The following FAM193A variants were observed in gnomAD, a reference collection of about 807,000 sequenced individuals.
FAM193A encodes the protein family with sequence similarity 193 member A, also known as protein FAM193A.
In FAM193A, 22 loss-of-function variants were observed where a neutral mutation model predicts 126.5. The observed-to-expected ratio is 0.17, with a 90% CI of 0.12 to 0.25. The LOEUF (loss-of-function observed/expected upper bound fraction) is 0.25, where lower values mean the gene tolerates loss of function less well. FAM193A is among the 10% of genes least tolerant of loss of function. FAM193A has a pLI of 1.00. For missense variants in FAM193A, 1,675 were observed against 1,672.8 expected (o/e 1.00, Z -0.02); for synonymous variants, 761 against 646.8 (o/e 1.18, Z -2.68).
chr4:2,649,675 ATG>A (rs1019637078), intron 7 of FAM193A, among the ~76,000 whole-genome samples: 3 of 152,174 alleles, frequency 2.0e-5, no homozygotes, highest in Non-Finnish European at 4.4e-5. Flanking sequence ...ATCTCAAAAA[ATG>A]AAAAAAATAT....
intron 1 of FAM193A, among the ~76,000 whole-genome samples, chr4:2,565,439 A>G (rs1738884745): frequency 6.6e-6 from 1 of 151,598 alleles, no homozygotes; most frequent in Non-Finnish European, 1.5e-5. Context: ...TGTATTTTTA[A>G]TAGAGACAAG....
chr4:2,611,261 C>CTAGT (rs1553893996), intron 2 of FAM193A, among the ~76,000 whole-genome samples: 1 of 151,308 alleles, frequency 6.6e-6, no homozygotes, highest in Non-Finnish European at 1.5e-5. Flanking sequence ...TCTGCATTTT[C>CTAGT]TATTTATTTA....
Position 2,587,135 on chromosome 4 carries a change from C to T in FAM193A, c.256-8949C>T, listed in dbSNP as rs1214492873. Among the ~76,000 whole-genome samples the T allele has an allele frequency of 2.0e-5, 3 of 152,178 alleles. No individual in the cohort carries two copies. The East Asian group carries it at 5.8e-4, about 29-fold the overall frequency. The stretch of plus-strand genomic sequence containing the variant: ...ATAATTTTGCTCCTGGTTCTGCAAG[C>T]TGTGTAAGAAGCATGGTGCACAGCA... On this transcript the variant is annotated intron_variant, in intron 1 of 20. Transcript: ENST00000637812.
At chr4:2,729,766 A>G (rs559100706) in intron 20 of FAM193A, among the ~76,000 whole-genome samples, 1 of 152,132 alleles carries the variant, frequency 6.6e-6, no homozygotes, top group African/African-American at 2.4e-5. Flanking sequence ...GTGCGCCACC[A>G]CACCTGGCTA....
At chr4:2,663,317 G>C (rs537957256) in intron 12 of FAM193A, 29 bp downstream of exon 12, 1 of 1,519,294 alleles carries the variant, frequency 6.6e-7, no homozygotes, top group South Asian at 1.3e-5. Flanking sequence ...TTTTGCCAAG[G>C]ATCTCTTTTT....
intron 2 of FAM193A, among the ~76,000 whole-genome samples, chr4:2,605,784 C>T (rs967518520): frequency 1.3e-5 from 2 of 151,904 alleles, no homozygotes; most frequent in African/African-American, 4.8e-5. Flanking sequence ...CCAGCCTGGC[C>T]AACATGGCGA....
chr4:2,537,378 C>G (rs898988235), intron 1 of FAM193A, among the ~76,000 whole-genome samples: 2 of 152,184 alleles, frequency 1.3e-5, no homozygotes, highest in Non-Finnish European at 2.9e-5. Flanking sequence ...CGGCCTCTGT[C>G]AGCCTCTTGA....
chr4:2,724,724 G>T (rs1326517828), intron 20 of FAM193A, among the ~76,000 whole-genome samples: 1 of 151,908 alleles, frequency 6.6e-6, no homozygotes, highest in Non-Finnish European at 1.5e-5. Context: ...ACCAAACAGA[G>T]GATAAAGAAT....
At chr4:2,549,395 CTTTTTTTTTTTT>C (rs869161808) in intron 1 of FAM193A, among the ~76,000 whole-genome samples, 57 of 122,642 alleles carry the variant, frequency 4.6e-4, no homozygotes, top group Admixed American at 2.1e-3. Flanking sequence ...TTCTTTTTTT[CTTTTTTTTTTTT>C]TTTTTTTGAG....
intron 7 of FAM193A, among the ~76,000 whole-genome samples, chr4:2,651,360 C>T (rs1745646727): frequency 1.3e-5 from 2 of 152,078 alleles, no homozygotes; most frequent in Admixed American, 6.6e-5. Context: ...AAAAAACCTA[C>T]CTGATTCTGG....
intron 13 of FAM193A, among the ~76,000 whole-genome samples, chr4:2,676,193 C>T (rs2109184519): frequency 6.6e-6 from 1 of 152,352 alleles, no homozygotes; most frequent in African/African-American, 2.4e-5. Context: ...TTTGGAGGAA[C>T]TGCCACCGTT....
At chr4:2,541,901 G>T (rs1217272608) in intron 1 of FAM193A, among the ~76,000 whole-genome samples, 1 of 151,770 alleles carries the variant, frequency 6.6e-6, no homozygotes, top group Non-Finnish European at 1.5e-5. Context: ...CGCCATCTCG[G>T]CTCACTGCAA....
intron 1 of FAM193A, among the ~76,000 whole-genome samples, chr4:2,556,561 A>G (rs1279636077): frequency 6.6e-6 from 1 of 152,182 alleles, no homozygotes; most frequent in Non-Finnish European, 1.5e-5. Flanking sequence ...GTGCACCCAC[A>G]GTTCTAGCTA....
At chr4:2,610,900 G>A (rs1741830637) in intron 2 of FAM193A, among the ~76,000 whole-genome samples, 1 of 152,086 alleles carries the variant, frequency 6.6e-6, no homozygotes, top group Non-Finnish European at 1.5e-5. Context: ...ACCACGCCCA[G>A]CTAGTTGTGT....
At chr4:2,634,807 A>G (rs956347920) in intron 5 of FAM193A, among the ~76,000 whole-genome samples, 2 of 152,188 alleles carry the variant, frequency 1.3e-5, no homozygotes, top group Non-Finnish European at 2.9e-5. Context: ...GTGATCTCAA[A>G]CACAAAACAC....
rs148016072 is a variant in FAM193A, at chr4:2,645,911, A to G, written c.1164-774A>G. 4.1e-3 allele frequency among the ~76,000 whole-genome samples: 617 copies of G among 152,328 alleles called. 4 individuals carry two copies. Among genetic ancestry groups the G allele is most frequent in the African/African-American group, 0.014 (598 of 41,582 alleles). ...AGTAAATCAGATTTTGTTTTGCTTT[A>G]TTTGAAAACCAGATCTAAATTTTAT... On this transcript the variant is annotated intron_variant, in intron 6 of 20. Coordinates refer to ENST00000637812, the MANE Select transcript of FAM193A (RefSeq NM_001366318.2).
intron 15 of FAM193A, among the ~76,000 whole-genome samples, chr4:2,692,294 G>A (rs1161781760): frequency 1.3e-5 from 2 of 152,164 alleles, no homozygotes; most frequent in Admixed American, 6.5e-5. Context: ...ATCAGCTCTC[G>A]TGAGAACTCA....
rs948031833 is a variant in FAM193A at position 2,726,815 on chromosome 4, T to C, written c.4455-4960T>C. Among the ~76,000 whole-genome samples, 3 of 124,224 alleles carry C rather than the reference T, an allele frequency of 2.4e-5. No individual in the cohort carries two copies. In the East Asian group the frequency reaches 7.5e-4, roughly 31 times the overall value. 81.5% of individuals were successfully genotyped at this position (124,224 alleles called of 152,430 possible). A position where few individuals can be genotyped will look rare whatever the true frequency, so the allele number is the denominator to read the frequency against. On this transcript the variant is annotated intron_variant, in intron 20 of 20. Transcript: ENST00000637812. ...AAAAAAAAAAAAAAGCCGGGTGTGG[T>C]GGTGCACATCTGTAGTCCCAGCTAC...
At chr4:2,675,929 T>A (rs1714353016) in intron 13 of FAM193A, among the ~76,000 whole-genome samples, 1 of 152,242 alleles carries the variant, frequency 6.6e-6, no homozygotes, top group African/African-American at 2.4e-5. Context: ...TAGCATAATG[T>A]CCTCAGCGTT....
Sources: gnomAD v4.1 joint callset for allele counts (sites outside exome capture counted in the v4.1 genomes callset) on GRCh38, gnomAD v4.1.1 for gene constraint, MANE v1.5 for transcripts, NCBI Gene and HGNC (gene_info 2026-07-23, HGNC 2026-07-21) for gene names.